The following MRRF variants were observed in gnomAD, a reference collection of about 807,000 sequenced individuals.
The protein encoded by MRRF is ribosome-recycling factor, mitochondrial.
Under a neutral mutation model 25.1 loss-of-function variants are expected in MRRF, and 18 were observed. The observed-to-expected ratio is 0.72, with a 90% CI of 0.50 to 1.06. The LOEUF (loss-of-function observed/expected upper bound fraction) is 1.06. Ranked by LOEUF, MRRF falls within the 50% of genes least tolerant of loss-of-function variation. MRRF has a pLI of 0.00. For missense variants in MRRF, 323 were observed against 319.3 expected (o/e 1.01, Z -0.09); for synonymous variants, 113 against 112.1 (o/e 1.01, Z -0.05).
At chr9:122,286,034 A>G in intron 4 of MRRF, 1 of 1,298,058 alleles carries the variant, frequency 7.7e-7, no homozygotes, top group Non-Finnish European at 1.0e-6. Flanking sequence ...TTATTGGTCC[A>G]CTAGGAATTG....
intron 2 of MRRF, among the ~76,000 whole-genome samples, chr9:122,276,446 C>G (rs925176699): frequency 6.6e-6 from 1 of 152,094 alleles, no homozygotes; most frequent in East Asian, 1.9e-4. Flanking sequence ...GTTGAGCCAT[C>G]GTGTCTGACT....
At chr9:122,295,590 C>T (rs553305031) in intron 5 of MRRF, among the ~76,000 whole-genome samples, 6 of 152,086 alleles carry the variant, frequency 3.9e-5, no homozygotes, top group South Asian at 2.1e-4. Flanking sequence ...GGATTACAGG[C>T]GCCCGCCACC....
At chr9:122,283,092 AT>A (rs546491734) in intron 3 of MRRF, among the ~76,000 whole-genome samples, 2,248 of 139,178 alleles carry the variant, frequency 0.016, 20 homozygotes, top group African/African-American at 0.044. Context: ...TATAAGTACA[AT>A]TTTTTTTTTT....
At chr9:122,267,091 A>T (rs1188559710) in intron 1 of MRRF, among the ~76,000 whole-genome samples, 1 of 145,650 alleles carries the variant, frequency 6.9e-6, no homozygotes, top group Non-Finnish European at 1.5e-5. Context: ...AAAAGAAAAA[A>T]AATTCAGGCC....
intron 5 of MRRF, among the ~76,000 whole-genome samples, chr9:122,295,380 A>C (rs1362899468): frequency 1.3e-5 from 2 of 152,054 alleles, no homozygotes; most frequent in African/African-American, 4.8e-5. Flanking sequence ...AAAATAACAC[A>C]TCATATCTTA....
At position 122,291,749 on chromosome 9, in the gene MRRF, T is replaced by G; in HGVS notation, c.460T>G (p.Cys154Gly). ...ILVNMASFPE[C>G]TAAAIKAIRE... ...GTTTACCTTTTGATCTGGTTTTCAG[T>G]GTACAGCTGCAGCTATCAAGGCTAT... Residue 154 changes from cysteine (C) to glycine (G), a missense_variant and splice_region_variant, in exon 5 of 7, where the codon TGT (cysteine) becomes GGT (glycine). Transcript: ENST00000344641. 1.9e-6 allele frequency: 3 copies of G among 1,608,168 alleles called. No individual in the cohort carries two copies. The highest frequency in any genetic ancestry group is 2.6e-6 in the Non-Finnish European group (3 of 1,174,526).
chr9:122,304,382 T>C (rs1191065979), intron 5 of MRRF, among the ~76,000 whole-genome samples: 1 of 152,214 alleles, frequency 6.6e-6, no homozygotes, highest in Non-Finnish European at 1.5e-5. Context: ...CTGTGGCTTT[T>C]TAGGAGTGCA....
chr9:122,288,355 G>A (rs1351548089), intron 4 of MRRF, among the ~76,000 whole-genome samples: 2 of 152,188 alleles, frequency 1.3e-5, no homozygotes, highest in African/African-American at 4.8e-5. Context: ...TCTTTCTCAT[G>A]TTTTGTTTCC....
chr9:122,267,380 CAA>C (rs892711250), intron 1 of MRRF, among the ~76,000 whole-genome samples: 42 of 71,326 alleles, frequency 5.9e-4, no homozygotes, highest in Admixed American at 5.0e-4. Flanking sequence ...GACTCTGTCT[CAA>C]AAAAAAAAAA....
intron 3 of MRRF, among the ~76,000 whole-genome samples, chr9:122,282,971 GAAATT>G (rs1319697380): frequency 2.0e-5 from 3 of 152,020 alleles, no homozygotes; most frequent in African/African-American, 7.2e-5. Flanking sequence ...GTGTATTAGA[GAAATT>G]AAAACACAGA....
intron 2 of MRRF, 126 bp from the exon 3 acceptor site, chr9:122,280,317 G>A (rs1414590281): frequency 5.9e-6 from 6 of 1,020,114 alleles, no homozygotes; most frequent in East Asian, 2.6e-5. Flanking sequence ...TTAGTGGAGC[G>A]ATAATGTTTT....
chr9:122,271,795 T>A (rs527259591), intron 2 of MRRF, among the ~76,000 whole-genome samples: 1 of 152,330 alleles, frequency 6.6e-6, no homozygotes, highest in African/African-American at 2.4e-5. Context: ...CAAATTTTGT[T>A]GAATGAAAGA....
At chr9:122,267,363 A>G in intron 1 of MRRF, among the ~76,000 whole-genome samples, 1 of 150,898 alleles carries the variant, frequency 6.6e-6, no homozygotes, top group Admixed American at 6.6e-5. Flanking sequence ...CCTGGGCAAC[A>G]GAGTGAGACT....
At chr9:122,279,029 C>A (rs918517725) in intron 2 of MRRF, among the ~76,000 whole-genome samples, 6 of 152,126 alleles carry the variant, frequency 3.9e-5, no homozygotes, top group Non-Finnish European at 7.4e-5. Flanking sequence ...CACGCCACCA[C>A]GCCCAGCTAA....
At chr9:122,311,230 T>G (rs1350524781) in intron 5 of MRRF, among the ~76,000 whole-genome samples, 1 of 152,198 alleles carries the variant, frequency 6.6e-6, no homozygotes, top group Admixed American at 6.5e-5. Flanking sequence ...TCACCCTAAC[T>G]GCTTCTGATC....
In MRRF at chr9:122,294,509, A is replaced by G. The variant is rs186282082; in HGVS notation, c.551+2669A>G. On this transcript the variant is annotated intron_variant, in intron 5 of 6. Transcript: ENST00000344641. ...AAAACCGTCTGCTCCTGCAAACCTC[A>G]TTTTTTTATATACTTTCTTCCCTTT... 3.7e-3 allele frequency among the ~76,000 whole-genome samples: 570 copies of G among 152,254 alleles called. 6 individuals are homozygous for G. Among genetic ancestry groups the G allele is most frequent in the African/African-American group, 0.013 (534 of 41,550 alleles).
intron 3 of MRRF, among the ~76,000 whole-genome samples, chr9:122,281,574 G>A (rs1420910258): frequency 6.6e-6 from 1 of 152,224 alleles, no homozygotes; most frequent in Admixed American, 6.5e-5. Flanking sequence ...GCTGACAGTA[G>A]AGCGTGCCAT....
chr9:122,286,098 A>G (rs1029360201), intron 4 of MRRF: 20 of 1,270,950 alleles, frequency 1.6e-5, no homozygotes, highest in South Asian at 2.5e-5. Flanking sequence ...TCTACCACCA[A>G]CTGGCTGTTT....
At chr9:122,300,065 G>A (rs144847054) in intron 5 of MRRF, among the ~76,000 whole-genome samples, 209 of 152,292 alleles carry the variant, frequency 1.4e-3, no homozygotes, top group Middle Eastern at 0.01. Flanking sequence ...GGTGGAGAAA[G>A]GGAAGGAAGA....
Sources: gnomAD v4.1 joint callset for allele counts (sites outside exome capture counted in the v4.1 genomes callset) on GRCh38, gnomAD v4.1.1 for gene constraint, MANE v1.5 for transcripts, NCBI Gene and HGNC (gene_info 2026-07-23, HGNC 2026-07-21) for gene names.